GFRA2: variants seen among roughly 807,000 people sequenced by gnomAD.
GFRA2 encodes GDNF family receptor alpha-2.
A neutral mutation model predicts 48.3 loss-of-function variants in GFRA2; 17 were observed. That is an observed-to-expected ratio of 0.35 (90% CI 0.24 to 0.53). The LOEUF is 0.53. GFRA2 is among the 20% of genes least tolerant of loss of function. The pLI, the probability that GFRA2 is intolerant of heterozygous loss-of-function variation, is 0.93. For missense variants in GFRA2, 660 were observed against 637.3 expected (o/e 1.04, Z -0.38); for synonymous variants, 305 against 257.2 (o/e 1.19, Z -1.78).
chr8:21,762,221 T>C (rs777410276), intron 3 of GFRA2, among the ~76,000 whole-genome samples: 1 of 151,780 alleles, frequency 6.6e-6, no homozygotes, highest in African/African-American at 2.4e-5. Context: ...CCACCAGGAG[T>C]GGGGGCCAGG....
intron 3 of GFRA2, among the ~76,000 whole-genome samples, chr8:21,771,510 C>A (rs1806437488): frequency 6.6e-6 from 1 of 152,220 alleles, no homozygotes. Context: ...TCAGGCAGCA[C>A]TGGGCAGAGA....
chr8:21,715,930 G>A (rs1297034084), intron 4 of GFRA2, among the ~76,000 whole-genome samples: 2 of 152,128 alleles, frequency 1.3e-5, no homozygotes, highest in East Asian at 1.9e-4. Context: ...CTGTACATGA[G>A]TCCCTGGGAT....
chr8:21,788,057 GCT>G, intron 1 of GFRA2, 61 bp downstream of exon 1: 1 of 167,790 alleles, frequency 6.0e-6, no homozygotes. Context: ...CCGGCGCTCC[GCT>G]CGCCCCCCGC....
At chr8:21,769,262 C>CAGCACCGCCCT in intron 3 of GFRA2, 1 of 602,676 alleles carries the variant, frequency 1.7e-6, no homozygotes, top group Non-Finnish European at 2.1e-6. Context: ...AGCCCCGCCC[C>CAGCACCGCCCT]TGCCCTGCCC....
intron 6 of GFRA2, among the ~76,000 whole-genome samples, chr8:21,703,247 A>C (rs1434663574): frequency 6.6e-6 from 1 of 152,156 alleles, no homozygotes; most frequent in African/African-American, 2.4e-5. Context: ...CACAGAAGAA[A>C]AAAGGAGAAA....
At chr8:21,745,210 G>A (rs984818183) in intron 4 of GFRA2, among the ~76,000 whole-genome samples, 1 of 152,240 alleles carries the variant, frequency 6.6e-6, no homozygotes, top group Non-Finnish European at 1.5e-5. Flanking sequence ...CTTTCATGTG[G>A]TGCCAGGTGA....
At chr8:21,747,754 C>T (rs1436579262) in intron 4 of GFRA2, among the ~76,000 whole-genome samples, 1 of 99,850 alleles carries the variant, frequency 1.0e-5, no homozygotes, top group Non-Finnish European at 2.0e-5. Context: ...GTCCATCTTC[C>T]ACCACACACA....
intron 3 of GFRA2, among the ~76,000 whole-genome samples, chr8:21,763,114 C>G (rs933761601): frequency 4.6e-5 from 7 of 152,114 alleles, no homozygotes; most frequent in Non-Finnish European, 1.0e-4. Context: ...CTGAATATAT[C>G]TTAAAATATA....
At chr8:21,700,120 G>A (rs758479559) in intron 7 of GFRA2, among the ~76,000 whole-genome samples, 3 of 152,144 alleles carry the variant, frequency 2.0e-5, no homozygotes, top group South Asian at 2.1e-4. Context: ...TCAGAGGAAC[G>A]GCCAAGTGCA....
At chr8:21,698,406 G>A (rs769100212) in intron 7 of GFRA2, among the ~76,000 whole-genome samples, 11 of 152,170 alleles carry the variant, frequency 7.2e-5, no homozygotes, top group Non-Finnish European at 1.0e-4. Context: ...CCCAGGAAGC[G>A]AGAAGGAAAT....
chr8:21,783,024 C>A, intron 1 of GFRA2, 125 bp from the exon 2 acceptor site: 1 of 904,400 alleles, frequency 1.1e-6, no homozygotes, highest in South Asian at 1.4e-5. Flanking sequence ...CACACCAAGG[C>A]GACTCTGTGG....
chr8:21,759,481 GGAAA>G (rs1425996031), intron 3 of GFRA2, among the ~76,000 whole-genome samples: 408 of 113,220 alleles, frequency 3.6e-3, no homozygotes, highest in Middle Eastern at 0.014. Context: ...AGGGAAAGAA[GGAAA>G]GAAGGAAGGA....
chr8:21,779,572 T>C (rs1301299736), intron 2 of GFRA2: 2 of 152,196 alleles, frequency 1.3e-5, no homozygotes, highest in Non-Finnish European at 2.9e-5. Context: ...TTGAGCGCTT[T>C]AATTATTTGT....
intron 3 of GFRA2, among the ~76,000 whole-genome samples, chr8:21,760,127 G>A (rs1805828732): frequency 6.6e-6 from 1 of 152,220 alleles, no homozygotes. Flanking sequence ...GCTTCCTGGA[G>A]GAGGCAGAAG....
intron 1 of GFRA2, among the ~76,000 whole-genome samples, chr8:21,786,910 C>T (rs1356830524): frequency 6.6e-6 from 1 of 152,172 alleles, no homozygotes; most frequent in Non-Finnish European, 1.5e-5. Flanking sequence ...GCTGGGCAGC[C>T]TGGCTCAACA....
intron 4 of GFRA2, among the ~76,000 whole-genome samples, chr8:21,749,759 C>T (rs1291979413): frequency 6.6e-6 from 1 of 151,470 alleles, no homozygotes; most frequent in East Asian, 2.0e-4. Flanking sequence ...GTCCTGGAGT[C>T]GGACGGTCCT....
intron 1 of GFRA2, among the ~76,000 whole-genome samples, chr8:21,785,535 A>G (rs1207704793): frequency 6.6e-6 from 1 of 152,212 alleles, no homozygotes; most frequent in Admixed American, 6.5e-5. Flanking sequence ...TTGATCCATC[A>G]AGACACAGGG....
chr8:21,764,452 C>T (rs150432618), intron 3 of GFRA2, among the ~76,000 whole-genome samples: 2 of 152,232 alleles, frequency 1.3e-5, no homozygotes, highest in African/African-American at 4.8e-5. Flanking sequence ...ATTTGTTGGG[C>T]AGCAGGACCA....
intron 4 of GFRA2, among the ~76,000 whole-genome samples, chr8:21,733,671 T>C (rs1804309984): frequency 2.6e-5 from 4 of 152,260 alleles, no homozygotes; most frequent in Admixed American, 2.6e-4. Flanking sequence ...ATTCAGAAAA[T>C]AGCTATCTAC....
Sources: gnomAD v4.1 joint callset for allele counts (sites outside exome capture counted in the v4.1 genomes callset) on GRCh38, gnomAD v4.1.1 for gene constraint, MANE v1.5 for transcripts, NCBI Gene and HGNC (gene_info 2026-07-23, HGNC 2026-07-21) for gene names.